Variants in HLCS observed in about 807,000 individuals in gnomAD.
The protein encoded by HLCS is biotin--protein ligase.
A neutral mutation model predicts 75.0 loss-of-function variants in HLCS; 53 were observed. The ratio of observed to expected loss-of-function variants is 0.71; its 90% confidence interval spans 0.57 to 0.89. The LOEUF is 0.89. Among genes scored for constraint, HLCS ranks in the 40% least tolerant of loss-of-function variants. HLCS has a pLI of 0.00. For synonymous variants in HLCS, 431 were observed against 428.6 expected, an observed-to-expected ratio of 1.01 and a Z score of -0.07; for missense variants, 966 against 1,074.0, an observed-to-expected ratio of 0.90 and a Z score of 1.41.
chr21:36,777,588 G>A (rs1400095762), intron 6 of HLCS, among the ~76,000 whole-genome samples: 1 of 152,282 alleles, frequency 6.6e-6, no homozygotes, highest in Admixed American at 6.5e-5. Context: ...CCTTTAATCT[G>A]GTTCAGTTTC....
intron 6 of HLCS, among the ~76,000 whole-genome samples, chr21:36,863,662 TCATA>T (rs1178499649): frequency 1.3e-5 from 2 of 152,210 alleles, no homozygotes; most frequent in East Asian, 1.9e-4. Flanking sequence ...TCTCTGGATA[TCATA>T]CAGATAGATC....
In HLCS at chr21:36,761,064, C is replaced by T. The variant is rs150614728; in HGVS notation, c.2122-1223G>A. On this transcript the variant is annotated intron_variant, in intron 8 of 10. Transcript: ENST00000674895. ...CTCCAAGGGCCACGGGGCTGGTCTT[C>T]CCACGTTGCAGGCCGGGCATGGCAC... 3.1e-3 allele frequency among the ~76,000 whole-genome samples: 474 copies of T among 152,358 alleles called. 13 individuals carry two copies. Among genetic ancestry groups the T allele is most frequent in the Admixed American group, 0.029 (451 of 15,306 alleles).
chr21:36,838,248 G>A (rs1307205117), intron 6 of HLCS, among the ~76,000 whole-genome samples: 1 of 151,272 alleles, frequency 6.6e-6, no homozygotes, highest in Non-Finnish European at 1.5e-5. Flanking sequence ...CTGCCACCAG[G>A]TAGCTGGTCA....
At chr21:36,922,720 A>G (rs1271514013) in intron 5 of HLCS, among the ~76,000 whole-genome samples, 3 of 152,148 alleles carry the variant, frequency 2.0e-5, no homozygotes, top group Admixed American at 2.0e-4. Flanking sequence ...TTGCACCCCA[A>G]GTTGTTTCTC....
Position 36,984,616 on chromosome 21 carries a change from C to T in HLCS, c.-393+5542G>A, listed in dbSNP as rs187482104. 9.9e-5 allele frequency among the ~76,000 whole-genome samples: 15 copies of T among 152,246 alleles called. 1 individual carries two copies. Among genetic ancestry groups the T allele is most frequent in the Admixed American group, 8.5e-4 (13 of 15,294 alleles). ...AAGTGGGAGCTCAATAATGTGTACA[C>T]ATGGACACAGAGAGTGGAATAACAG... On this transcript the variant is annotated intron_variant, in intron 1 of 11. Coordinates refer to the HLCS transcript ENST00000336648.
In HLCS at chr21:36,767,427, G is replaced by A. The variant is rs538222046; in HGVS notation, c.1893-142C>T. On this transcript the variant is annotated intron_variant, in intron 6 of 10. Transcript: ENST00000674895. ...CCAACTTTGGTTCCACTGGCCTTCA[G>A]GAATGTGGAGCCATGAGGGATATCA... 29 of 769,306 alleles carry A rather than the reference G, an allele frequency of 3.8e-5. No homozygotes were observed. The East Asian group carries it at 6.4e-4, about 17-fold the overall frequency. The allele number at this position is 769,306 out of a possible 1,614,324, so 47.7% of individuals were successfully genotyped here.
At chr21:36,812,161 T>C (rs1007916161) in intron 6 of HLCS, among the ~76,000 whole-genome samples, 8 of 152,074 alleles carry the variant, frequency 5.3e-5, no homozygotes, top group Non-Finnish European at 1.0e-4. Flanking sequence ...GCTTGAGGTG[T>C]GTGTATAGCC....
chr21:36,979,743 C>CA (rs1234685191), intron 1 of HLCS, among the ~76,000 whole-genome samples: 2 of 151,950 alleles, frequency 1.3e-5, no homozygotes, highest in Admixed American at 1.3e-4. Context: ...AGGGAGACTC[C>CA]ATCTGTACAG....
intron 6 of HLCS, among the ~76,000 whole-genome samples, chr21:36,803,459 G>A (rs542178756): frequency 2.6e-5 from 4 of 152,314 alleles, no homozygotes; most frequent in South Asian, 2.1e-4. Context: ...CGCACAGGGC[G>A]ACCTTGTGTG....
intron 6 of HLCS, among the ~76,000 whole-genome samples, chr21:36,865,657 T>C (rs1326765609): frequency 6.6e-6 from 1 of 152,220 alleles, no homozygotes; most frequent in African/African-American, 2.4e-5. Flanking sequence ...ACCCTGGTTG[T>C]TCCAAACGAA....
chr21:36,764,515 G>A (rs559804845), intron 8 of HLCS, among the ~76,000 whole-genome samples: 19 of 152,172 alleles, frequency 1.2e-4, no homozygotes, highest in African/African-American at 4.6e-4. Flanking sequence ...ACCAGCCTGG[G>A]CCACATGGTG....
At chr21:36,911,519 C>T (rs552393577) in intron 5 of HLCS, among the ~76,000 whole-genome samples, 5 of 151,776 alleles carry the variant, frequency 3.3e-5, no homozygotes, top group East Asian at 3.9e-4. Context: ...CTGAGGCGGG[C>T]GGATCACAAG....
intron 6 of HLCS, among the ~76,000 whole-genome samples, chr21:36,826,439 A>G (rs1204949475): frequency 2.0e-5 from 3 of 152,204 alleles, no homozygotes; most frequent in Non-Finnish European, 4.4e-5. Context: ...GCTTCACTGG[A>G]GCAGGCAGGA....
chr21:36,880,890 C>T (rs540018356), intron 6 of HLCS, among the ~76,000 whole-genome samples: 11 of 152,286 alleles, frequency 7.2e-5, no homozygotes, highest in African/African-American at 2.4e-4. Flanking sequence ...GAGTTCTTCA[C>T]GCCACTGTAT....
At chr21:36,932,693 C>T (rs1265731352) in intron 4 of HLCS, among the ~76,000 whole-genome samples, 1 of 152,284 alleles carries the variant, frequency 6.6e-6, no homozygotes, top group Non-Finnish European at 1.5e-5. Flanking sequence ...GCTTTGCCTA[C>T]TGTATGCAAA....
In HLCS at chr21:36,784,303, TACC is replaced by T. The variant is rs896617910; in HGVS notation, c.1893-17021_1893-17019del. 4.2e-5 allele frequency among the ~76,000 whole-genome samples: 6 copies of T among 142,590 alleles called. No individual in the cohort carries two copies. The East Asian group carries it at 8.3e-4, about 20-fold the overall frequency. The allele number at this position is 142,590 out of a possible 152,430, so 93.5% of individuals were successfully genotyped here. A position where few individuals can be genotyped will look rare whatever the true frequency, so the allele number is the denominator to read the frequency against. The stretch of plus-strand genomic sequence containing the variant: ...TCAAAACAGAATTTCAAGGTAGAAA[TACC>T]ACCTCTTTTTTTTTTTTTTTTTTTT... On this transcript the variant is annotated intron_variant, in intron 6 of 10. Coordinates refer to ENST00000674895, the MANE Select transcript of HLCS (RefSeq NM_001352514.2).
chr21:36,938,840 T>G lies in HLCS; in HGVS notation c.485A>C (p.Lys162Thr). Residue 162 changes from lysine (K) to threonine (T), a missense_variant, in exon 3 of 11, where the codon AAG becomes ACG. By Grantham distance (78) the Lys-to-Thr change is moderately conservative (BLOSUM62 -1). Transcript: ENST00000674895. ...TTTCTAAAGTTACTTACACACAATC[T>G]TTTGGGGTACCAGTCCATTATCCAT... ...LHMDNGLVPQ[K>T]IVSVHLQDST... The G allele has an allele frequency of 6.2e-7, 1 of 1,614,038 alleles. No homozygotes were observed. Among genetic ancestry groups the G allele is most frequent in the Non-Finnish European group, 8.5e-7 (1 of 1,179,984 alleles).
At chr21:36,956,635 C>T (rs1439430094) in intron 2 of HLCS, among the ~76,000 whole-genome samples, 1 of 152,048 alleles carries the variant, frequency 6.6e-6, no homozygotes, top group East Asian at 1.9e-4. Flanking sequence ...GAGGCTGAGG[C>T]AGGAGAATGG....
chr21:36,982,079 T>C (rs770767505), intron 1 of HLCS, among the ~76,000 whole-genome samples: 1 of 152,182 alleles, frequency 6.6e-6, no homozygotes, highest in Non-Finnish European at 1.5e-5. Context: ...GTTTTTTTTT[T>C]CTTGCTTTAT....
Sources: allele counts gnomAD v4.1 joint callset (sites outside exome capture counted in the v4.1 genomes callset), GRCh38; gene constraint gnomAD v4.1.1; transcripts MANE v1.5; gene names NCBI Gene and HGNC (gene_info 2026-07-23, HGNC 2026-07-21).